C10orf67: variants seen among roughly 807,000 people sequenced by gnomAD.
C10orf67 encodes the protein chromosome 10 open reading frame 67.
A neutral mutation model predicts 35.6 loss-of-function variants in C10orf67; 60 were observed. That is an observed-to-expected ratio of 1.68 (90% CI 1.37 to 2.09). The LOEUF (loss-of-function observed/expected upper bound fraction) is 2.09, where lower values mean the gene tolerates loss of function less well. C10orf67 is among the 30% of genes most tolerant of loss of function. The pLI is 0.00. For synonymous variants in C10orf67, 167 were observed against 115.8 expected, an observed-to-expected ratio of 1.44 and a Z score of -2.84; for missense variants, 474 against 330.2, an observed-to-expected ratio of 1.44 and a Z score of -3.38.
intron 1 of C10orf67, among the ~76,000 whole-genome samples, chr10:23,335,613 A>T (rs1489510511): frequency 6.6e-6 from 1 of 152,200 alleles, no homozygotes. Flanking sequence ...TTTGGAAAAA[A>T]CTATTAAAGC....
At chr10:23,305,050 A>G (rs1844223770) in intron 4 of C10orf67, among the ~76,000 whole-genome samples, 1 of 152,128 alleles carries the variant, frequency 6.6e-6, no homozygotes, top group Admixed American at 6.5e-5. Context: ...AAAGAAGAAA[A>G]TCTTTACCTA....
At chr10:23,262,075 T>C (rs931921350) in intron 10 of C10orf67, among the ~76,000 whole-genome samples, 3 of 152,184 alleles carry the variant, frequency 2.0e-5, no homozygotes, top group Non-Finnish European at 4.4e-5. Flanking sequence ...AACAGTCCAC[T>C]GCCAGCATCT....
At chr10:23,216,170 T>C (rs1841424938) in intron 15 of C10orf67, among the ~76,000 whole-genome samples, 1 of 152,062 alleles carries the variant, frequency 6.6e-6, no homozygotes, top group South Asian at 2.1e-4. Flanking sequence ...TAGACTCCTA[T>C]AAAAAAGAAC....
chr10:23,249,033 G>A (rs1252621541), intron 12 of C10orf67, among the ~76,000 whole-genome samples: 1 of 150,510 alleles, frequency 6.6e-6, no homozygotes, highest in Non-Finnish European at 1.5e-5. Context: ...AGGAGGCTGT[G>A]GCTGGAGAAT....
chr10:23,213,700 G>T (rs1382297017), intron 15 of C10orf67, among the ~76,000 whole-genome samples: 1 of 151,824 alleles, frequency 6.6e-6, no homozygotes, highest in Admixed American at 6.6e-5. Flanking sequence ...TACAATAAAA[G>T]AAAAGAAACA....
intron 2 of C10orf67, among the ~76,000 whole-genome samples, 154 bp from the exon 3 acceptor site, chr10:23,322,691 C>T (rs532069879): frequency 2.0e-5 from 3 of 151,872 alleles, no homozygotes; most frequent in East Asian, 1.9e-4. Flanking sequence ...CGGTGGTGAG[C>T]GGGAGGAGGG....
intron 15 of C10orf67, among the ~76,000 whole-genome samples, chr10:23,207,788 T>C (rs1841196561): frequency 6.6e-6 from 1 of 152,222 alleles, no homozygotes; most frequent in South Asian, 2.1e-4. Context: ...AAAAATTTAC[T>C]TTCCTTTCAC....
intron 13 of C10orf67, among the ~76,000 whole-genome samples, chr10:23,230,819 CT>C (rs1841887004): frequency 6.6e-6 from 1 of 152,198 alleles, no homozygotes; most frequent in South Asian, 2.1e-4. Context: ...ATGATGAAGT[CT>C]GGCAATATCA....
At position 23,337,952 on chromosome 10, in the gene C10orf67, T is replaced by G. The variant is rs1047978472; in HGVS notation, c.207-4770A>C. 5.3e-5 allele frequency among the ~76,000 whole-genome samples: 8 copies of G among 152,214 alleles called. 1 individual carries two copies. Among genetic ancestry groups the G allele is most frequent in the Admixed American group, 1.3e-4 (2 of 15,278 alleles). ...GCAGTATATTTGGTTGTCTACTTTT[T>G]CTGGATGAAGGATGGCCAGAATTAT... On this transcript the variant is annotated intron_variant, in intron 1 of 15. Coordinates refer to ENST00000636213, the MANE Select transcript of C10orf67 (RefSeq NM_001371909.1).
intron 8 of C10orf67, among the ~76,000 whole-genome samples, chr10:23,267,814 G>A (rs542601938): frequency 2.0e-5 from 3 of 151,902 alleles, no homozygotes; most frequent in Non-Finnish European, 4.4e-5. Context: ...GCTGAGGCAG[G>A]AGAATCTACC....
chr10:23,310,311 T>G (rs747872028), intron 4 of C10orf67, among the ~76,000 whole-genome samples: 32 of 152,286 alleles, frequency 2.1e-4, no homozygotes, highest in Middle Eastern at 3.4e-3. Flanking sequence ...AATGCTTCTG[T>G]CCTCCCACCA....
intron 10 of C10orf67, among the ~76,000 whole-genome samples, chr10:23,259,546 G>A (rs1352644219): frequency 6.6e-6 from 1 of 152,000 alleles, no homozygotes; most frequent in Non-Finnish European, 1.5e-5. Flanking sequence ...TCTATCGTTG[G>A]GAGACAAAGC....
chr10:23,267,438 T>G (rs1487357640), intron 8 of C10orf67, among the ~76,000 whole-genome samples, 184 bp from the exon 9 acceptor site: 2 of 152,216 alleles, frequency 1.3e-5, no homozygotes, highest in Non-Finnish European at 2.9e-5. Context: ...AAAGAACTTT[T>G]ATTAAAAAAG....
In C10orf67 at chr10:23,239,751, G is replaced by A; in HGVS notation, c.1412C>T (p.Ala471Val). 1 of 659,668 alleles carries A rather than the reference G, an allele frequency of 1.5e-6. No homozygotes were observed. Among genetic ancestry groups the A allele is most frequent in the Non-Finnish European group, 2.9e-6 (1 of 342,448 alleles). 40.9% of individuals were successfully genotyped at this position (659,668 alleles called of 1,614,324 possible). A position where few individuals can be genotyped will look rare whatever the true frequency, so the allele number is the denominator to read the frequency against. Residue 471 changes from alanine to valine, a missense_variant, in exon 13 of 16, where the codon GCT (alanine) becomes GTT (valine). Physicochemically the swap from Ala to Val is moderately conservative, Grantham distance 64 (BLOSUM62 0). Coordinates refer to ENST00000636213, the MANE Select transcript of C10orf67 (RefSeq NM_001371909.1). ...HTLFRQFAVLADTSFNYIKVK... is the reference protein window; with the variant it reads ...HTLFRQFAVLVDTSFNYIKVK... The stretch of plus-strand genomic sequence containing the variant: ...TACAATATAATTGAAGGATGTGTCA[G>A]CAAGCACTGCAAACTGACGAAACAG...
intron 1 of C10orf67, among the ~76,000 whole-genome samples, chr10:23,342,284 C>T (rs1177061821): frequency 1.3e-5 from 2 of 152,004 alleles, no homozygotes; most frequent in Non-Finnish European, 2.9e-5. Context: ...TCCCCATGTT[C>T]GGTTTCTTCC....
chr10:23,203,700 T>C lies in C10orf67; in HGVS notation c.*473A>G, dbSNP rs1426403933. On this transcript the variant is annotated 3_prime_UTR_variant, in exon 16 of 16. Coordinates refer to ENST00000636213, the MANE Select transcript of C10orf67 (RefSeq NM_001371909.1). ...TGCCGGGGTAAGATAAGAATGAATCTTGCTTGAGGAAATGTACGATCTCCC... is the reference window on the plus strand; with the variant it reads ...TGCCGGGGTAAGATAAGAATGAATCCTGCTTGAGGAAATGTACGATCTCCC... The C allele has an allele frequency of 6.6e-6, 1 of 152,442 alleles. No individual in the cohort carries two copies. The highest frequency in any genetic ancestry group is 1.5e-5 in the Non-Finnish European group (1 of 68,196). 9.4% of individuals were successfully genotyped at this position (152,442 alleles called of 1,614,324 possible). A position where few individuals can be genotyped will look rare whatever the true frequency, so the allele number is the denominator to read the frequency against.
chr10:23,286,787 A>T (rs1414186480), intron 7 of C10orf67, among the ~76,000 whole-genome samples: 1 of 152,188 alleles, frequency 6.6e-6, no homozygotes, highest in Non-Finnish European at 1.5e-5. Flanking sequence ...TGGAATTTAC[A>T]TTATTGTCAC....
At chr10:23,242,822 G>T (rs1170377699) in intron 12 of C10orf67, among the ~76,000 whole-genome samples, 1 of 151,990 alleles carries the variant, frequency 6.6e-6, no homozygotes, top group African/African-American at 2.4e-5. Flanking sequence ...GCAAAAAGGA[G>T]AGAAGAAGAA....
chr10:23,288,082 C>T (rs755492028), intron 7 of C10orf67, among the ~76,000 whole-genome samples: 1 of 152,120 alleles, frequency 6.6e-6, no homozygotes, highest in African/African-American at 2.4e-5. Context: ...GGATCTAGAA[C>T]CAGAAATACC....
Sources: gnomAD v4.1 joint callset for allele counts (sites outside exome capture counted in the v4.1 genomes callset) on GRCh38, gnomAD v4.1.1 for gene constraint, MANE v1.5 for transcripts, NCBI Gene and HGNC (gene_info 2026-07-23, HGNC 2026-07-21) for gene names.